Variants in ARB2A observed in about 807,000 individuals in gnomAD.
ARB2A encodes the protein ARB2 cotranscriptional regulator A.
the ARB2A span, chr5:93,743,689 C>T: frequency 5.1e-3 from 1,591 of 311,594 alleles, 4 homozygotes; most frequent in Middle Eastern, 0.013. Context: ...TTTTTTGAGA[C>T]GGAGTCTCGC....
the ARB2A span, among the ~76,000 whole-genome samples, chr5:93,665,832 C>A: frequency 6.6e-6 from 1 of 152,154 alleles, no homozygotes; most frequent in Non-Finnish European, 1.5e-5. Flanking sequence ...TGTGTACTCT[C>A]CACAGGCCAA....
chr5:93,683,411 T>A, the ARB2A span: 1 of 1,602,442 alleles, frequency 6.2e-7, no homozygotes, highest in African/African-American at 1.3e-5. Flanking sequence ...TGAACCACAC[T>A]TCAACCTTAA....
the ARB2A span, among the ~76,000 whole-genome samples, chr5:93,995,710 A>C: frequency 6.6e-6 from 1 of 152,174 alleles, no homozygotes; most frequent in Non-Finnish European, 1.5e-5. Context: ...AAGATGAGCA[A>C]GTTCTACACA....
At chr5:93,676,385 A>G in the ARB2A span, among the ~76,000 whole-genome samples, 1 of 152,218 alleles carries the variant, frequency 6.6e-6, no homozygotes, top group East Asian at 1.9e-4. Flanking sequence ...ACAAACATAT[A>G]TTAGGGATTT....
At chr5:94,052,528 C>T in the ARB2A span, among the ~76,000 whole-genome samples, 2 of 152,180 alleles carry the variant, frequency 1.3e-5, no homozygotes, top group Non-Finnish European at 2.9e-5. Context: ...AACTCAGATG[C>T]ACCTACCCTG....
the ARB2A span, among the ~76,000 whole-genome samples, chr5:93,854,486 G>A: frequency 2.0e-5 from 3 of 152,022 alleles, no homozygotes; most frequent in Non-Finnish European, 4.4e-5. Context: ...GTTATTTCTT[G>A]CCTTCTGCTA....
the ARB2A span, among the ~76,000 whole-genome samples, chr5:93,850,547 G>A: frequency 6.6e-6 from 1 of 152,134 alleles, no homozygotes. Flanking sequence ...CTGCTGATTA[G>A]AGAATGTCAC....
At chr5:93,975,626 T>C in the ARB2A span, among the ~76,000 whole-genome samples, 1 of 151,994 alleles carries the variant, frequency 6.6e-6, no homozygotes, top group Admixed American at 6.6e-5. Context: ...CAGAGAGATA[T>C]AAAAGATCCT....
chr5:93,851,309 A>T, the ARB2A span, among the ~76,000 whole-genome samples: 1 of 152,190 alleles, frequency 6.6e-6, no homozygotes, highest in African/African-American at 2.4e-5. Context: ...TATGTATTTT[A>T]CAGAGGAAAA....
At chr5:93,945,371 C>T in the ARB2A span, among the ~76,000 whole-genome samples, 12 of 149,228 alleles carry the variant, frequency 8.0e-5, no homozygotes, top group Admixed American at 2.7e-4. Context: ...GCTGAGATTG[C>T]GCCACTGCAC....
At chr5:93,844,041 A>T in the ARB2A span, among the ~76,000 whole-genome samples, 2 of 151,986 alleles carry the variant, frequency 1.3e-5, no homozygotes, top group African/African-American at 4.8e-5. Context: ...GTTTTAAGAA[A>T]GAAAAATAAA....
chr5:93,876,638 G>T, the ARB2A span, among the ~76,000 whole-genome samples: 1 of 151,002 alleles, frequency 6.6e-6, no homozygotes, highest in Admixed American at 6.6e-5. Flanking sequence ...AAGGAGACTG[G>T]CTATTTACAA....
chr5:93,924,441 A>T, the ARB2A span, among the ~76,000 whole-genome samples: 2 of 152,344 alleles, frequency 1.3e-5, no homozygotes, highest in African/African-American at 4.8e-5. Context: ...GAAGACTGGT[A>T]TATGGGTCAT....
chr5:93,776,544 G>A, the ARB2A span, among the ~76,000 whole-genome samples: 6 of 152,232 alleles, frequency 3.9e-5, no homozygotes, highest in Admixed American at 1.3e-4. Context: ...TTGGGAGGCC[G>A]AGGTGGGCAG....
chr5:93,836,592 T>C, the ARB2A span, among the ~76,000 whole-genome samples: 3 of 152,246 alleles, frequency 2.0e-5, no homozygotes, highest in African/African-American at 7.2e-5. Flanking sequence ...GTAATTTTAT[T>C]TTATCCAATT....
chr5:93,957,655 T>C, the ARB2A span, among the ~76,000 whole-genome samples: 7 of 152,176 alleles, frequency 4.6e-5, no homozygotes, highest in African/African-American at 1.7e-4. Flanking sequence ...AAACATATAG[T>C]TAACCTAAGA....
At chr5:93,749,264 A>T in the ARB2A span, among the ~76,000 whole-genome samples, 7 of 152,162 alleles carry the variant, frequency 4.6e-5, no homozygotes, top group African/African-American at 1.4e-4. Context: ...CCAATCAGTG[A>T]CAGAGTTTGA....
At chr5:93,938,876 T>G in the ARB2A span, among the ~76,000 whole-genome samples, 1 of 152,196 alleles carries the variant, frequency 6.6e-6, no homozygotes, top group Non-Finnish European at 1.5e-5. Context: ...ACACACACAG[T>G]TCAAAAAAGC....
chr5:94,024,843 A>C, the ARB2A span, among the ~76,000 whole-genome samples: 1 of 152,148 alleles, frequency 6.6e-6, no homozygotes, highest in Non-Finnish European at 1.5e-5. Context: ...AGAGGCCCAG[A>C]GATATAAAAC....
Sources: gnomAD v4.1 joint callset for allele counts (sites outside exome capture counted in the v4.1 genomes callset) on GRCh38, gnomAD v4.1.1 for gene constraint, MANE v1.5 for transcripts, NCBI Gene and HGNC (gene_info 2026-07-23, HGNC 2026-07-21) for gene names.